Variants in C17orf75 observed in about 807,000 individuals in gnomAD.
The protein encoded by C17orf75 is chromosome 17 open reading frame 75.
Under a neutral mutation model 49.6 loss-of-function variants are expected in C17orf75, and 32 were observed. The observed-to-expected ratio is 0.65, with a 90% CI of 0.49 to 0.87. C17orf75 has a LOEUF of 0.87. Among genes scored for constraint, C17orf75 ranks in the 40% least tolerant of loss-of-function variants. The pLI, the probability that C17orf75 is intolerant of heterozygous loss-of-function variation, is 0.00. For missense variants in C17orf75, 428 were observed against 473.9 expected (o/e 0.90, Z 0.90); for synonymous variants, 158 against 159.5 (o/e 0.99, Z 0.07).
At position 32,335,355 on chromosome 17, in the gene C17orf75, A is replaced by G; in HGVS notation, c.637T>C (p.Phe213Leu). 1 of 1,613,972 alleles carries G rather than the reference A, an allele frequency of 6.2e-7. No homozygotes were observed. The highest frequency in any genetic ancestry group is 8.5e-7 in the Non-Finnish European group (1 of 1,179,842). Residue 213 changes from phenylalanine to leucine, a missense_variant, in exon 6 of 10, where the codon TTT becomes CTT. Physicochemically the swap from Phe to Leu is conservative, Grantham distance 22. Transcript: ENST00000577809. Reference protein sequence around the residue: ...VCPIQRVVLLFQEKLTFLLHA... With the variant: ...VCPIQRVVLLLQEKLTFLLHA... Reference sequence around the variant, plus strand: ...AGCAGAAAGGTAAGCTTTTCCTGAAAGAGAAGAACAACCCTTTGGATTGGG... The same window carrying G: ...AGCAGAAAGGTAAGCTTTTCCTGAAGGAGAAGAACAACCCTTTGGATTGGG...
Position 32,341,414 on chromosome 17 carries a change from C to T in C17orf75, c.141-130G>A, listed in dbSNP as rs1003859865. On this transcript the variant is annotated intron_variant, in intron 1 of 9. Transcript: ENST00000577809. Reference sequence around the variant, plus strand: ...GCAAGGTGGAAGTGCACTGCCTATCCTCATGACAAGGAAAACCCATACAGC... The same window carrying T: ...GCAAGGTGGAAGTGCACTGCCTATCTTCATGACAAGGAAAACCCATACAGC... The T allele has an allele frequency of 1.8e-4, 157 of 872,186 alleles. No individual in the cohort carries two copies. The African/African-American group carries it at 2.0e-3, about 11-fold the overall frequency. The allele number at this position is 872,186 out of a possible 1,614,324, so 54.0% of individuals were successfully genotyped here. A position where few individuals can be genotyped will look rare whatever the true frequency, so the allele number is the denominator to read the frequency against.
upstream of C17orf75, among the ~76,000 whole-genome samples, chr17:32,345,773 C>T (rs2041421052): frequency 6.6e-6 from 1 of 151,960 alleles, no homozygotes; most frequent in African/African-American, 2.4e-5. Context: ...GTCTTGAACT[C>T]CTGACCTCGT....
Position 32,331,656 on chromosome 17 carries a change from G to A in C17orf75, c.*107C>T. The A allele has an allele frequency of 1.1e-6, 1 of 910,784 alleles. No individual in the cohort carries two copies. The highest frequency in any genetic ancestry group is 1.7e-6 in the Non-Finnish European group (1 of 599,686). The allele number at this position is 910,784 out of a possible 1,614,324, so 56.4% of individuals were successfully genotyped here. A position where few individuals can be genotyped will look rare whatever the true frequency, so the allele number is the denominator to read the frequency against. ...AATACAAAAAGAAAATCTGGATTGA[G>A]TTTCAAATCATCTTAAATAGCAATC... On this transcript the variant is annotated 3_prime_UTR_variant, in exon 10 of 10. Transcript: ENST00000577809.
chr17:32,337,443 A>ATAAAG (rs948384368), intron 5 of C17orf75, among the ~76,000 whole-genome samples: 6 of 152,084 alleles, frequency 3.9e-5, no homozygotes, highest in Non-Finnish European at 8.8e-5. Flanking sequence ...AGCCTGGGCA[A>ATAAAG]CAAAGCAAGA....
At chr17:32,337,642 C>T (rs920289637) in intron 5 of C17orf75, among the ~76,000 whole-genome samples, 4 of 151,978 alleles carry the variant, frequency 2.6e-5, no homozygotes, top group East Asian at 1.9e-4. Flanking sequence ...GGTGCAATCT[C>T]GGCTCACTGA....
At chr17:32,349,135 T>C (rs191925484) in intron 1 of C17orf75, among the ~76,000 whole-genome samples, 18 of 151,532 alleles carry the variant, frequency 1.2e-4, no homozygotes, top group African/African-American at 4.3e-4. Flanking sequence ...GCCCATAGTG[T>C]TGGGATTACT....
At chr17:32,344,514 G>C (rs529471372), upstream of C17orf75, among the ~76,000 whole-genome samples, 809 of 151,954 alleles carry the variant, frequency 5.3e-3, 4 homozygotes, top group South Asian at 0.01. Context: ...CTAGTTGGGA[G>C]GCTGAGGCAG....
In C17orf75 at chr17:32,328,980, T is replaced by C. The variant is rs1361131505; in HGVS notation, c.*2783A>G. The C allele has an allele frequency of 6.6e-6, 1 of 152,158 alleles. No homozygotes were observed. Among genetic ancestry groups the C allele is most frequent in the East Asian group, 1.9e-4 (1 of 5,204 alleles). 9.4% of individuals were successfully genotyped at this position (152,158 alleles called of 1,614,324 possible). Reference sequence around the variant, plus strand: ...TGAATACAGTACATGTTTCTAGTCATGAACTCTGTGGTTTCTTCTCATGAC... The same window carrying C: ...TGAATACAGTACATGTTTCTAGTCACGAACTCTGTGGTTTCTTCTCATGAC... On this transcript the variant is annotated 3_prime_UTR_variant, in exon 10 of 10. Transcript: ENST00000577809.
rs746146528 is a variant in C17orf75 at position 32,338,280 on chromosome 17, G to A, written c.419C>T (p.Thr140Met). The change falls in exon 4 of 10, where the codon ACG becomes ATG. Residue 140 changes from threonine (T) to methionine (M), a missense_variant. By Grantham distance (81) the Thr-to-Met change is moderately conservative. Coordinates refer to ENST00000577809, the MANE Select transcript of C17orf75 (RefSeq NM_022344.4). The part of the protein sequence containing the change: ...QNEKLLPETV[T>M]IDSERNPSEY... ...TGAAGGGTTACGTTCAGAGTCTATCGTTACTGTTTCAGGAAGCAGTTTTTC... is the reference window on the plus strand; with the variant it reads ...TGAAGGGTTACGTTCAGAGTCTATCATTACTGTTTCAGGAAGCAGTTTTTC... 9.3e-6 allele frequency: 15 copies of A among 1,612,488 alleles called. No homozygotes were observed. Among genetic ancestry groups the A allele is most frequent in the African/African-American group, 4.0e-5 (3 of 74,842 alleles).
At position 32,342,156 on chromosome 17, in the gene C17orf75, C is replaced by T; in HGVS notation, c.-17G>A. 2.5e-6 allele frequency: 4 copies of T among 1,579,548 alleles called. No homozygotes were observed. The highest frequency in any genetic ancestry group is 3.4e-6 in the Non-Finnish European group (4 of 1,164,482). ...GGGGAGCATTGCGGCGGCCTCTGAG[C>T]GGCCCTGTGTCTCCGCCAAACCGCT... is the stretch of plus-strand genomic sequence containing the variant. On this transcript the variant is annotated 5_prime_UTR_variant, in exon 1 of 10. Coordinates refer to ENST00000577809, the MANE Select transcript of C17orf75 (RefSeq NM_022344.4).
chr17:32,349,589 A>G (rs1393581694), intron 1 of C17orf75, among the ~76,000 whole-genome samples: 2 of 152,128 alleles, frequency 1.3e-5, no homozygotes, highest in Non-Finnish European at 2.9e-5. Context: ...TCAGAAAAAT[A>G]AAACAAAACA....
chr17:32,339,823 C>T lies in C17orf75; in HGVS notation c.337G>A (p.Val113Met), dbSNP rs763374868. 6.2e-7 allele frequency: 1 copy of T among 1,613,970 alleles called. No homozygotes were observed. The highest frequency in any genetic ancestry group is 1.7e-5 in the Admixed American group (1 of 59,998). Residue 113 changes from valine (V) to methionine (M), a missense_variant, in exon 3 of 10, where the codon GTG (valine) becomes ATG (methionine). Transcript: ENST00000577809. ...ACATTTTGCACTTACTTTAGCTCCA[C>T]AGATGCAACATTACCCAGCCCTTCA... ...VFEGLGNVAS[V>M]ELKIPGYRVG...
chr17:32,346,635 C>T (rs558976141), upstream of C17orf75, among the ~76,000 whole-genome samples: 158 of 152,178 alleles, frequency 1.0e-3, 1 homozygote, highest in African/African-American at 3.5e-3. Flanking sequence ...TGCAGTGGCA[C>T]GATCTCGGCT....
At chr17:32,336,153 A>G (rs1487422045) in intron 5 of C17orf75, among the ~76,000 whole-genome samples, 1 of 152,202 alleles carries the variant, frequency 6.6e-6, no homozygotes, top group Non-Finnish European at 1.5e-5. Context: ...TCTACTATAT[A>G]TGTAATGGGT....
intron 1 of C17orf75, among the ~76,000 whole-genome samples, chr17:32,347,502 G>A (rs552650150): frequency 1.3e-5 from 2 of 151,812 alleles, no homozygotes; most frequent in Admixed American, 6.6e-5. Context: ...GGCTGGTCTC[G>A]AACTCCTGAC....
chr17:32,334,431 A>G (rs1271784639), intron 8 of C17orf75, 38 bp downstream of exon 8: 2 of 1,590,248 alleles, frequency 1.3e-6, no homozygotes, highest in East Asian at 4.5e-5. Context: ...GGGACTCGCA[A>G]GAGATGTAGG....
intron 2 of C17orf75, 49 bp downstream of exon 2, chr17:32,341,155 G>T: frequency 6.3e-7 from 1 of 1,577,728 alleles, no homozygotes; most frequent in Non-Finnish European, 8.7e-7. Context: ...GGCCAGAGAT[G>T]CAGGGAAGAT....
chr17:32,334,802 T>C lies in C17orf75; in HGVS notation c.707A>G (p.Asp236Gly). The C allele has an allele frequency of 6.2e-7, 1 of 1,609,228 alleles. No individual in the cohort carries two copies. Among genetic ancestry groups the C allele is most frequent in the Non-Finnish European group, 8.5e-7 (1 of 1,177,366 alleles). Residue 236 changes from aspartate (D) to glycine (G), a missense_variant, in exon 7 of 10, where the codon GAT (aspartate) becomes GGT (glycine). Asp to Gly is a moderately conservative substitution (Grantham distance 94). Coordinates refer to ENST00000577809, the MANE Select transcript of C17orf75 (RefSeq NM_022344.4). ...SYTPVEVKESDEKTKRDINRF... is the reference protein window; with the variant it reads ...SYTPVEVKESGEKTKRDINRF... Reference sequence around the variant, plus strand: ...GTTAATGTCTCTCTTTGTTTTTTCATCTGATTCTTTAACTTCAACAGGAGT... The same window carrying C: ...GTTAATGTCTCTCTTTGTTTTTTCACCTGATTCTTTAACTTCAACAGGAGT...
chr17:32,333,618 G>A (rs2041297847), intron 8 of C17orf75, 98 bp from the exon 9 acceptor site: 3 of 1,088,314 alleles, frequency 2.8e-6, no homozygotes, highest in African/African-American at 1.6e-5. Flanking sequence ...TTGCCCGGCT[G>A]GAGTGCAGCC....
Sources: gnomAD v4.1 joint callset for allele counts (sites outside exome capture counted in the v4.1 genomes callset) on GRCh38, gnomAD v4.1.1 for gene constraint, MANE v1.5 for transcripts, NCBI Gene and HGNC (gene_info 2026-07-23, HGNC 2026-07-21) for gene names.